Variants in SUCLG2 observed in about 807,000 individuals in gnomAD.
SUCLG2 encodes succinate-CoA ligase GDP-forming subunit beta.
SUCLG2 carries 42 observed loss-of-function variants against 47.9 expected under a neutral mutation model. That is an observed-to-expected ratio of 0.88 (90% CI 0.69 to 1.14). The LOEUF (loss-of-function observed/expected upper bound fraction) is 1.14, where lower values mean the gene tolerates loss of function less well. Among genes scored for constraint, SUCLG2 ranks in the 50% most tolerant of loss-of-function variants. The probability of loss-of-function intolerance (pLI) is 0.00; values close to 1 mark genes in which losing one functional copy is unlikely to be tolerated. For synonymous variants in SUCLG2, 195 were observed against 197.3 expected (o/e 0.99, Z 0.10); for missense variants, 571 against 525.9 (o/e 1.09, Z -0.84).
intron 8 of SUCLG2, among the ~76,000 whole-genome samples, chr3:67,496,904 T>G (rs779840789): frequency 6.6e-6 from 1 of 152,136 alleles, no homozygotes; most frequent in African/African-American, 2.4e-5. Flanking sequence ...ACTAATTAAA[T>G]TTGGAGTAAC....
intron 2 of SUCLG2, among the ~76,000 whole-genome samples, chr3:67,554,417 A>G (rs942491906): frequency 1.3e-5 from 2 of 152,170 alleles, no homozygotes; most frequent in Admixed American, 6.5e-5. Flanking sequence ...ACTCAGCTGT[A>G]ATTCTTACAA....
At chr3:67,530,571 G>C (rs1235814326) in intron 2 of SUCLG2, among the ~76,000 whole-genome samples, 1 of 152,124 alleles carries the variant, frequency 6.6e-6, no homozygotes, top group Admixed American at 6.6e-5. Flanking sequence ...CAAGGCAATG[G>C]GGAGCTACAG....
At chr3:67,404,646 T>G (rs1446116130) in intron 9 of SUCLG2, among the ~76,000 whole-genome samples, 1 of 152,000 alleles carries the variant, frequency 6.6e-6, no homozygotes, top group African/African-American at 2.4e-5. Flanking sequence ...AACCAGAGAT[T>G]ATGCCATTCT....
intron 7 of SUCLG2, among the ~76,000 whole-genome samples, chr3:67,499,508 TCTC>T (rs1705439892): frequency 6.6e-6 from 1 of 151,992 alleles, no homozygotes; most frequent in Non-Finnish European, 1.5e-5. Context: ...CTGGTGGAAA[TCTC>T]CTGGACCCAG....
intron 10 of SUCLG2, among the ~76,000 whole-genome samples, chr3:67,365,591 A>G (rs1701863958): frequency 6.6e-6 from 1 of 152,210 alleles, no homozygotes; most frequent in East Asian, 1.9e-4. Flanking sequence ...TCCACATGTA[A>G]GAAATATTTG....
At chr3:67,526,096 T>C (rs1178320411) in intron 4 of SUCLG2, among the ~76,000 whole-genome samples, 2 of 152,202 alleles carry the variant, frequency 1.3e-5, no homozygotes, top group East Asian at 1.9e-4. Flanking sequence ...TTTAGTGATA[T>C]GGCCTTTCTT....
At chr3:67,419,966 G>T (rs1703118285) in intron 9 of SUCLG2, among the ~76,000 whole-genome samples, 1 of 152,150 alleles carries the variant, frequency 6.6e-6, no homozygotes, top group Non-Finnish European at 1.5e-5. Context: ...TGCAAGGAAG[G>T]CAGGGATGGT....
chr3:67,567,635 C>T (rs956860576), intron 2 of SUCLG2, among the ~76,000 whole-genome samples: 20 of 152,240 alleles, frequency 1.3e-4, no homozygotes, highest in African/African-American at 4.8e-4. Flanking sequence ...ACTTTTTTGG[C>T]AACCACTATA....
At chr3:67,464,165 G>C (rs1704410242) in intron 9 of SUCLG2, among the ~76,000 whole-genome samples, 1 of 152,158 alleles carries the variant, frequency 6.6e-6, no homozygotes, top group Non-Finnish European at 1.5e-5. Context: ...TAATTATTCT[G>C]TCAAGCATCA....
intron 9 of SUCLG2, among the ~76,000 whole-genome samples, chr3:67,440,259 A>G (rs917978467): frequency 2.0e-5 from 3 of 152,258 alleles, no homozygotes; most frequent in African/African-American, 4.8e-5. Flanking sequence ...TAAATGTAAG[A>G]CCTAAAACCA....
chr3:67,542,000 C>T (rs1384308324), intron 2 of SUCLG2, among the ~76,000 whole-genome samples: 2 of 151,816 alleles, frequency 1.3e-5, no homozygotes, highest in African/African-American at 2.4e-5. Flanking sequence ...TCCCAAGTAG[C>T]TGAGCTGGGA....
intron 7 of SUCLG2, among the ~76,000 whole-genome samples, chr3:67,499,052 C>T (rs955532839): frequency 2.0e-5 from 3 of 152,112 alleles, no homozygotes; most frequent in African/African-American, 7.2e-5. Flanking sequence ...TTCCTGGAAC[C>T]GATTCCCTGC....
chr3:67,470,652 G>A (rs1185790626), intron 9 of SUCLG2, among the ~76,000 whole-genome samples: 1 of 152,142 alleles, frequency 6.6e-6, no homozygotes, highest in Non-Finnish European at 1.5e-5. Flanking sequence ...TCTGCCATGG[G>A]ATAATGTAAC....
chr3:67,597,202 C>T (rs376537793), intron 2 of SUCLG2, among the ~76,000 whole-genome samples: 1 of 152,198 alleles, frequency 6.6e-6, no homozygotes, highest in African/African-American at 2.4e-5. Flanking sequence ...TGGCAACAGG[C>T]AAAGACACCG....
At chr3:67,586,363 C>G (rs1708019780) in intron 2 of SUCLG2, among the ~76,000 whole-genome samples, 1 of 152,168 alleles carries the variant, frequency 6.6e-6, no homozygotes, top group Admixed American at 6.5e-5. Flanking sequence ...ACAACCTAGA[C>G]TGCATGGGAC....
chr3:67,559,053 A>AT (rs1353585716), intron 2 of SUCLG2, among the ~76,000 whole-genome samples: 1 of 152,176 alleles, frequency 6.6e-6, no homozygotes, highest in African/African-American at 2.4e-5. Flanking sequence ...GTGGGAGCAA[A>AT]TAATATCACA....
intron 9 of SUCLG2, among the ~76,000 whole-genome samples, chr3:67,475,988 C>CTCTCTCT (rs1704741948): frequency 6.8e-6 from 1 of 146,050 alleles, no homozygotes; most frequent in Non-Finnish European, 1.5e-5. Flanking sequence ...TTTCCTTCTC[C>CTCTCTCT]CTCTCTCTCT....
intron 2 of SUCLG2, among the ~76,000 whole-genome samples, chr3:67,602,408 A>G (rs200265589): frequency 1.3e-5 from 2 of 152,158 alleles, no homozygotes; most frequent in East Asian, 1.9e-4. Context: ...CTGCCTGCCC[A>G]CAACCCGCCT....
In SUCLG2 at chr3:67,598,593, T is replaced by C. The variant is rs367941707; in HGVS notation, c.226+10862A>G. Among the ~76,000 whole-genome samples the C allele has an allele frequency of 8.5e-5, 13 of 152,320 alleles. 1 individual carries two copies. In the East Asian group the frequency reaches 2.3e-3, roughly 27 times the overall value. On this transcript the variant is annotated intron_variant, in intron 2 of 10. Transcript: ENST00000307227. The stretch of plus-strand genomic sequence containing the variant: ...TACTTTATTTTGTATATGAAAAGTA[T>C]CGTGTGAAAGGTCACCTCACAACTA...
Sources: allele counts gnomAD v4.1 joint callset (sites outside exome capture counted in the v4.1 genomes callset), GRCh38; gene constraint gnomAD v4.1.1; transcripts MANE v1.5; gene names NCBI Gene and HGNC (gene_info 2026-07-23, HGNC 2026-07-21).